The following C8orf34 variants were observed in gnomAD, a reference collection of about 807,000 sequenced individuals.
C8orf34 encodes chromosome 8 open reading frame 34, also known as uncharacterized protein C8orf34.
A neutral mutation model predicts 68.3 loss-of-function variants in C8orf34; 65 were observed. The ratio of observed to expected loss-of-function variants is 0.95; its 90% CI spans 0.78 to 1.17. The LOEUF (loss-of-function observed/expected upper bound fraction) is 1.17, where lower values mean the gene tolerates loss of function less well. Ranked by LOEUF, C8orf34 falls within the 50% of genes most tolerant of loss-of-function variation. The probability of loss-of-function intolerance (pLI) is 0.00; values close to 1 mark genes in which losing one functional copy is unlikely to be tolerated. For synonymous variants in C8orf34, 244 were observed against 241.2 expected, an observed-to-expected ratio of 1.01 and a Z score of -0.11; for missense variants, 664 against 655.4, an observed-to-expected ratio of 1.01 and a Z score of -0.14.
intron 7 of C8orf34, among the ~76,000 whole-genome samples, chr8:68,579,275 T>C (rs141363366): frequency 2.4e-3 from 370 of 152,280 alleles, no homozygotes; most frequent in African/African-American, 7.9e-3. Flanking sequence ...ATGAAAATAA[T>C]TGATGGAGCA....
At chr8:68,741,668 C>T (rs1490346051) in intron 10 of C8orf34, among the ~76,000 whole-genome samples, 2 of 152,102 alleles carry the variant, frequency 1.3e-5, no homozygotes, top group Admixed American at 6.6e-5. Flanking sequence ...CTTTTATCTC[C>T]ATGGGTTCAG....
chr8:68,787,473 C>A lies in C8orf34; in HGVS notation c.1486C>A (p.His496Asn), dbSNP rs1484944998. The A allele has an allele frequency of 6.2e-7, 1 of 1,611,950 alleles. No homozygotes were observed. The highest frequency in any genetic ancestry group is 8.5e-7 in the Non-Finnish European group (1 of 1,178,718). The change falls in exon 12 of 14, where the codon CAT (histidine) becomes AAT (asparagine). Residue 496 changes from histidine (H) to asparagine (N), a missense_variant. By Grantham distance (68) the His-to-Asn change is moderately conservative. Coordinates refer to ENST00000518698, the MANE Select transcript of C8orf34 (RefSeq NM_052958.4). ...DESLKQLQVV[H>N]QPWILPSDTE... Reference sequence around the variant, plus strand: ...ATCCTTAAAGCAATTGCAGGTAGTTCATCAACCATGGATCTTGCCAAGTGA... The same window carrying A: ...ATCCTTAAAGCAATTGCAGGTAGTTAATCAACCATGGATCTTGCCAAGTGA...
At chr8:68,709,883 G>A (rs911794026) in intron 9 of C8orf34, among the ~76,000 whole-genome samples, 2 of 152,078 alleles carry the variant, frequency 1.3e-5, no homozygotes, top group Non-Finnish European at 2.9e-5. Context: ...GGTACATCAC[G>A]TCTTCATCAG....
intron 1 of C8orf34, among the ~76,000 whole-genome samples, chr8:68,432,940 C>T (rs2129624985): frequency 6.6e-6 from 1 of 152,280 alleles, no homozygotes; most frequent in South Asian, 2.1e-4. Flanking sequence ...AAAAGGCATG[C>T]ATGGGCTATG....
At chr8:68,748,942 GT>G (rs1392163111) in intron 10 of C8orf34, among the ~76,000 whole-genome samples, 1 of 152,152 alleles carries the variant, frequency 6.6e-6, no homozygotes, top group Non-Finnish European at 1.5e-5. Flanking sequence ...GCACACGTAT[GT>G]TTATTGCGGC....
intron 10 of C8orf34, among the ~76,000 whole-genome samples, chr8:68,734,807 C>A: frequency 6.6e-6 from 1 of 152,076 alleles, no homozygotes; most frequent in East Asian, 1.9e-4. Flanking sequence ...TCCCATCTGG[C>A]GGGTAGTGGG....
chr8:68,423,873 CA>C (rs1810092410), intron 1 of C8orf34, among the ~76,000 whole-genome samples: 1 of 152,128 alleles, frequency 6.6e-6, no homozygotes, highest in African/African-American at 2.4e-5. Context: ...TGAGTGGAAA[CA>C]GGGGCAATGC....
intron 1 of C8orf34, among the ~76,000 whole-genome samples, chr8:68,414,254 T>C (rs996291969): frequency 7.9e-5 from 12 of 152,212 alleles, no homozygotes; most frequent in African/African-American, 2.4e-4. Flanking sequence ...TTTGATTATA[T>C]ATTTATTGTC....
chr8:68,802,501 T>A (rs193188836), intron 12 of C8orf34, among the ~76,000 whole-genome samples: 24 of 152,310 alleles, frequency 1.6e-4, no homozygotes, highest in Admixed American at 7.8e-4. Flanking sequence ...ATTTAAAACT[T>A]AATTACGATT....
intron 10 of C8orf34, among the ~76,000 whole-genome samples, chr8:68,734,688 A>G (rs1294638253): frequency 6.6e-6 from 1 of 152,092 alleles, no homozygotes; most frequent in Non-Finnish European, 1.5e-5. Flanking sequence ...GCTGCACACC[A>G]TCCTTCATCC....
At position 68,443,886 on chromosome 8, in the gene C8orf34, G is replaced by T. The variant is rs918085827; in HGVS notation, c.476-2443G>T. ...ATTGTGGAGGAGAATCTTGAAAACA[G>T]CCTTATTTTTATTCCTTTGTGGGAA... On this transcript the variant is annotated intron_variant, in intron 2 of 13. Transcript: ENST00000518698. Among the ~76,000 whole-genome samples the T allele has an allele frequency of 4.6e-5, 7 of 152,176 alleles. No individual in the cohort carries two copies. The South Asian group carries it at 1.2e-3, about 27-fold the overall frequency.
intron 4 of C8orf34, among the ~76,000 whole-genome samples, chr8:68,482,812 A>G (rs1812917231): frequency 6.6e-6 from 1 of 152,200 alleles, no homozygotes; most frequent in African/African-American, 2.4e-5. Context: ...GGTGTTGGGA[A>G]GGAATGTGGG....
intron 9 of C8orf34, 107 bp from the exon 10 acceptor site, chr8:68,721,254 C>A: frequency 1.5e-6 from 1 of 688,738 alleles, no homozygotes; most frequent in Non-Finnish European, 2.4e-6. Context: ...ATGATTTTTT[C>A]AACACCCAAT....
chr8:68,535,562 ACT>A, intron 7 of C8orf34: 11 of 861,562 alleles, frequency 1.3e-5, no homozygotes, highest in Non-Finnish European at 1.5e-5. Flanking sequence ...ATAACTATTG[ACT>A]CTTGTTTTGT....
chr8:68,398,700 A>T (rs115805833), intron 1 of C8orf34, among the ~76,000 whole-genome samples: 182 of 152,286 alleles, frequency 1.2e-3, no homozygotes, highest in African/African-American at 4.2e-3. Flanking sequence ...ATTCACATAT[A>T]TAACTCAGCC....
intron 12 of C8orf34, among the ~76,000 whole-genome samples, chr8:68,811,237 G>A (rs1427159841): frequency 3.9e-5 from 6 of 152,216 alleles, no homozygotes; most frequent in Admixed American, 1.3e-4. Flanking sequence ...ACACCCAGCT[G>A]GGTTGTGACA....
upstream of C8orf34, chr8:68,330,658 G>T (rs1347052236): frequency 8.9e-6 from 2 of 223,536 alleles, no homozygotes; most frequent in African/African-American, 4.6e-5. Context: ...CACTTTGAAA[G>T]AAGCACCTTC....
chr8:68,418,617 T>C lies in C8orf34; in HGVS notation c.328-20882T>C, dbSNP rs528139055. 3.7e-4 allele frequency among the ~76,000 whole-genome samples: 57 copies of C among 152,332 alleles called. No individual in the cohort carries two copies. The East Asian group carries it at 0.01, about 28-fold the overall frequency. ...TACAGTAACCAAAACAGCATGGTACTGGTACCAAAACAGAGATATAGATCA... is the reference window on the plus strand; with the variant it reads ...TACAGTAACCAAAACAGCATGGTACCGGTACCAAAACAGAGATATAGATCA... On this transcript the variant is annotated intron_variant, in intron 1 of 13. Coordinates refer to ENST00000518698, the MANE Select transcript of C8orf34 (RefSeq NM_052958.4).
intron 7 of C8orf34, among the ~76,000 whole-genome samples, chr8:68,559,163 C>T (rs1316402064): frequency 6.6e-6 from 1 of 151,972 alleles, no homozygotes; most frequent in Non-Finnish European, 1.5e-5. Context: ...GGGAGTTATC[C>T]CTAGATTTGG....
Sources: allele counts gnomAD v4.1 joint callset (sites outside exome capture counted in the v4.1 genomes callset), GRCh38; gene constraint gnomAD v4.1.1; transcripts MANE v1.5; gene names NCBI Gene and HGNC (gene_info 2026-07-23, HGNC 2026-07-21).